HK1: variants seen among roughly 807,000 people sequenced by gnomAD.
The protein encoded by HK1 is hexokinase 1.
HK1 carries 28 observed loss-of-function variants against 91.6 expected under a neutral mutation model. The ratio of observed to expected loss-of-function variants is 0.31; its 90% confidence interval spans 0.23 to 0.42. The LOEUF is 0.42. Among genes scored for constraint, HK1 ranks in the 10% least tolerant of loss-of-function variants. The probability of loss-of-function intolerance (pLI) is 1.00; values close to 1 mark genes in which losing one functional copy is unlikely to be tolerated. For synonymous variants in HK1, 430 were observed against 468.1 expected (o/e 0.92, Z 1.05); for missense variants, 770 against 1,219.8 (o/e 0.63, Z 5.49).
intron 2 of HK1, among the ~76,000 whole-genome samples, chr10:69,349,013 G>A (rs1203766732): frequency 6.6e-6 from 1 of 152,124 alleles, no homozygotes; most frequent in Non-Finnish European, 1.5e-5. Context: ...GTTGTTTAAT[G>A]AGCTTTCTCT....
At position 69,275,389 on chromosome 10, in the gene HK1, A is replaced by T. The variant is rs567134872; in HGVS notation, c.-391+5281A>T. Among the ~76,000 whole-genome samples the T allele has an allele frequency of 6.0e-3, 874 of 146,544 alleles. 4 individuals carry two copies. The highest frequency in any genetic ancestry group is 8.7e-3 in the African/African-American group (353 of 40,574). ...AAAAAATACATAAAAAATAAAATTT[A>T]AAAAAAAAACAACTTAAATTTGTAC... On this transcript the variant is annotated intron_variant, in intron 1 of 21. Transcript: ENST00000360289.
In HK1 at chr10:69,364,794, T is replaced by C; in HGVS notation, c.387T>C (p.His129=). 3.1e-6 allele frequency: 5 copies of C among 1,614,186 alleles called. No individual in the cohort carries two copies. Among genetic ancestry groups the C allele is most frequent in the Non-Finnish European group, 3.4e-6 (4 of 1,180,020 alleles). The part of the protein sequence containing the change: ...VHGSGSQLFD[H]VAECLGDFME... ...CATGTTTCCTTCAGCTTTTTGATCA[T>C]GTTGCTGAGTGCCTGGGAGATTTCA... Residue 129 remains histidine (H), a synonymous_variant, in exon 4 of 18, where the codon CAT becomes CAC. Coordinates refer to ENST00000359426, the MANE Select transcript of HK1 (RefSeq NM_000188.3).
At chr10:69,291,296 A>C (rs1375865290) in intron 3 of HK1, among the ~76,000 whole-genome samples, 1 of 152,244 alleles carries the variant, frequency 6.6e-6, no homozygotes, top group African/African-American at 2.4e-5. Context: ...TTGGAGGTCC[A>C]GGGAGAGGAG....
intron 1 of HK1, among the ~76,000 whole-genome samples, chr10:69,339,536 CA>C (rs1263852302): frequency 6.6e-6 from 1 of 152,194 alleles, no homozygotes; most frequent in Non-Finnish European, 1.5e-5. Flanking sequence ...ACCCTCCCTC[CA>C]TAGCAGCTTG....
chr10:69,382,717 T>A lies in HK1; in HGVS notation c.1496T>A (p.Leu499Gln). 6.2e-7 allele frequency: 1 copy of A among 1,613,520 alleles called. No homozygotes were observed. Among genetic ancestry groups the A allele is most frequent in the East Asian group, 2.2e-5 (1 of 44,868 alleles). The stretch of plus-strand genomic sequence containing the variant: ...ATGCGGGCCGAGATGGAGCTGGGGC[T>A]GAGGAAGCAGACGCACAACAATGCC... ...KRMRAEMELG[L>Q]RKQTHNNAVV... The change falls in exon 10 of 18, where the codon CTG (leucine) becomes CAG (glutamine). Residue 499 changes from leucine (L) to glutamine (Q), a missense_variant. Leu to Gln is a moderately radical substitution (Grantham distance 113). Coordinates refer to ENST00000359426, the MANE Select transcript of HK1 (RefSeq NM_000188.3).
intron 1 of HK1, among the ~76,000 whole-genome samples, chr10:69,331,573 G>A (rs149516977): frequency 1.6e-4 from 24 of 152,334 alleles, no homozygotes; most frequent in Admixed American, 5.9e-4. Flanking sequence ...GAAATAGCCC[G>A]TTAATAGTTT....
chr10:69,276,230 ATT>A (rs1196068069), intron 1 of HK1, among the ~76,000 whole-genome samples: 1 of 143,906 alleles, frequency 6.9e-6, no homozygotes, highest in African/African-American at 2.6e-5. Flanking sequence ...AACTTTGTTG[ATT>A]TTGTTTGTTT....
At chr10:69,316,995 T>C (rs867133707), upstream of HK1, among the ~76,000 whole-genome samples, 1 of 152,232 alleles carries the variant, frequency 6.6e-6, no homozygotes, top group Non-Finnish European at 1.5e-5. Context: ...AAAATCTCTC[T>C]CTTCCTGGTT....
At chr10:69,277,894 G>C (rs147191808) in intron 1 of HK1, among the ~76,000 whole-genome samples, 1 of 152,098 alleles carries the variant, frequency 6.6e-6, no homozygotes, top group African/African-American at 2.4e-5. Flanking sequence ...TTAGCTGGGC[G>C]TGGTGGCAGG....
chr10:69,318,666 C>A (rs1846797997), upstream of HK1, among the ~76,000 whole-genome samples: 1 of 152,146 alleles, frequency 6.6e-6, no homozygotes, highest in Non-Finnish European at 1.5e-5. Flanking sequence ...GCCGCCGCGT[C>A]CCCGCTCCCC....
chr10:69,366,913 C>T (rs925700907), intron 4 of HK1, among the ~76,000 whole-genome samples: 4 of 152,206 alleles, frequency 2.6e-5, no homozygotes, highest in Admixed American at 2.0e-4. Flanking sequence ...TGACTGAGTG[C>T]CATCCCTGTG....
upstream of HK1, among the ~76,000 whole-genome samples, chr10:69,317,348 A>G (rs1172402058): frequency 6.6e-6 from 1 of 152,180 alleles, no homozygotes; most frequent in Non-Finnish European, 1.5e-5. Flanking sequence ...GCCCCTCTGC[A>G]TAGGCCCTAA....
intron 2 of HK1, among the ~76,000 whole-genome samples, chr10:69,284,720 C>A (rs776432460): frequency 6.6e-6 from 1 of 152,142 alleles, no homozygotes; most frequent in Non-Finnish European, 1.5e-5. Context: ...CTTACTGCAA[C>A]CTCCGCCTCC....
At chr10:69,356,612 C>T (rs1195827022) in intron 2 of HK1, among the ~76,000 whole-genome samples, 1 of 151,354 alleles carries the variant, frequency 6.6e-6, no homozygotes, top group Non-Finnish European at 1.5e-5. Context: ...AGGCCGGGTG[C>T]GGTGGCTCAC....
intron 9 of HK1, among the ~76,000 whole-genome samples, chr10:69,381,711 A>G (rs5019351): frequency 0.99 from 149,974 of 152,242 alleles, 73,904 homozygotes; most frequent in East Asian, 1. Flanking sequence ...CTGCCACCAT[A>G]CCCAGCTAAT....
In HK1 at chr10:69,384,902, C is replaced by T. The variant is rs769433330; in HGVS notation, c.1826C>T (p.Thr609Met). The T allele has an allele frequency of 6.8e-6, 11 of 1,614,080 alleles. No homozygotes were observed. Among genetic ancestry groups the T allele is most frequent in the East Asian group, 2.2e-5 (1 of 44,900 alleles). ...ACGTTCTCATTTCCCTGCCAGCAGA[C>T]GAGTCTGGACGCGGTGAGTCTCTGT... ...GFTFSFPCQQ[T>M]SLDAGILITW... Residue 609 changes from threonine (T) to methionine (M), a missense_variant, in exon 12 of 18, where the codon ACG becomes ATG. By Grantham distance (81) the Thr-to-Met change is moderately conservative (BLOSUM62 -1). Transcript: ENST00000359426.
chr10:69,356,234 G>T (rs1849118969), intron 2 of HK1, among the ~76,000 whole-genome samples: 1 of 151,926 alleles, frequency 6.6e-6, no homozygotes. Flanking sequence ...GAAGGCATTT[G>T]AGACAGCCTG....
At chr10:69,326,857 T>C (rs1564514753) in intron 1 of HK1, among the ~76,000 whole-genome samples, 1 of 152,188 alleles carries the variant, frequency 6.6e-6, no homozygotes, top group Non-Finnish European at 1.5e-5. Flanking sequence ...TCATGCATGT[T>C]TTTACGCTTT....
At chr10:69,301,817 T>C (rs1222303426) in intron 5 of HK1, among the ~76,000 whole-genome samples, 1 of 152,202 alleles carries the variant, frequency 6.6e-6, no homozygotes, top group Non-Finnish European at 1.5e-5. Context: ...ACCCAATTCC[T>C]ATGAAAATCT....
Sources: allele counts gnomAD v4.1 joint callset (sites outside exome capture counted in the v4.1 genomes callset), GRCh38; gene constraint gnomAD v4.1.1; transcripts MANE v1.5; gene names NCBI Gene and HGNC (gene_info 2026-07-23, HGNC 2026-07-21).